Variants in ZPBP observed in about 807,000 individuals in gnomAD.
ZPBP encodes zona pellucida binding protein.
ZPBP carries 26 observed loss-of-function variants against 44.8 expected under a neutral mutation model. That is an observed-to-expected ratio of 0.58 (90% confidence interval 0.43 to 0.81). The LOEUF (loss-of-function observed/expected upper bound fraction) is 0.81, where lower values mean the gene tolerates loss of function less well. Among genes scored for constraint, ZPBP ranks in the 30% least tolerant of loss-of-function variants. ZPBP has a pLI of 0.00. For synonymous variants in ZPBP, 174 were observed against 153.2 expected, an observed-to-expected ratio of 1.14 and a Z score of -1.00; for missense variants, 409 against 434.0, an observed-to-expected ratio of 0.94 and a Z score of 0.51.
Position 49,906,287 on chromosome 7 carries a change from C to A in ZPBP, n.412-5072G>T, listed in dbSNP as rs552734979. ...AAAATAATAATAAGGACAAAAAATT[C>A]AAAAAAGAACAAAGAGCTAAAGAAT... On this transcript the variant is annotated intron_variant and non_coding_transcript_variant, in intron 1 of 2. Transcript: ENST00000465922. Among the ~76,000 whole-genome samples, 8 of 151,854 alleles carry A rather than the reference C, an allele frequency of 5.3e-5. No individual in the cohort carries two copies. In the East Asian group the frequency reaches 1.5e-3, roughly 29 times the overall value.
chr7:49,898,180 ATATATGTGTG>A (rs1237610857), intron 2 of ZPBP, among the ~76,000 whole-genome samples: 6 of 151,942 alleles, frequency 3.9e-5, no homozygotes, highest in African/African-American at 1.5e-4. Context: ...GTGTGTGTGT[ATATATGTGTG>A]TGTATATATG....
chr7:50,030,249 G>T (rs1384828546), intron 5 of ZPBP, among the ~76,000 whole-genome samples: 1 of 152,046 alleles, frequency 6.6e-6, no homozygotes, highest in East Asian at 1.9e-4. Context: ...GGACAGGGAA[G>T]GGAAGGGGAA....
intron 4 of ZPBP, 32 bp from the exon 5 acceptor site, chr7:50,031,342 A>C: frequency 6.5e-7 from 1 of 1,528,906 alleles, no homozygotes; most frequent in South Asian, 1.2e-5. Flanking sequence ...AAGACACAAA[A>C]ATGGTTATTT....
At chr7:50,015,978 T>A (rs190678044) in intron 6 of ZPBP, among the ~76,000 whole-genome samples, 45 of 152,248 alleles carry the variant, frequency 3.0e-4, no homozygotes, top group African/African-American at 9.6e-4. Context: ...TGTAAATTAG[T>A]TTAGCCACTG....
At chr7:49,900,039 C>G (rs28804180) in intron 2 of ZPBP, among the ~76,000 whole-genome samples, 1 of 151,710 alleles carries the variant, frequency 6.6e-6, no homozygotes, top group Non-Finnish European at 1.5e-5. Flanking sequence ...TCCCCAAATA[C>G]TTGAATGTTA....
At chr7:49,840,870 C>T in the ZPBP span, among the ~76,000 whole-genome samples, 1 of 152,144 alleles carries the variant, frequency 6.6e-6, no homozygotes, top group Non-Finnish European at 1.5e-5. Flanking sequence ...CGAGTCAGAG[C>T]TGTTGCCCTG....
intron 6 of ZPBP, among the ~76,000 whole-genome samples, chr7:49,997,585 T>C (rs1417159722): frequency 6.6e-6 from 1 of 152,204 alleles, no homozygotes; most frequent in Non-Finnish European, 1.5e-5. Context: ...TGTTGTTTCC[T>C]GACGAAAATC....
At chr7:49,987,898 TA>T (rs1161801198) in intron 6 of ZPBP, among the ~76,000 whole-genome samples, 1 of 152,092 alleles carries the variant, frequency 6.6e-6, no homozygotes, top group Non-Finnish European at 1.5e-5. Context: ...TTTTGAAAAA[TA>T]AAAACAGCCT....
chr7:50,050,263 T>C (rs1282213377), intron 4 of ZPBP, among the ~76,000 whole-genome samples: 1 of 152,092 alleles, frequency 6.6e-6, no homozygotes, highest in Non-Finnish European at 1.5e-5. Context: ...CAAAAATTTA[T>C]ATGGAAAGGG....
intron 5 of ZPBP, among the ~76,000 whole-genome samples, chr7:50,020,062 G>T (rs564115040): frequency 7.0e-4 from 104 of 149,154 alleles, no homozygotes; most frequent in Non-Finnish European, 9.0e-4. Context: ...AAAAAAAAAA[G>T]AAAGAAAAGA....
At chr7:49,983,587 G>T in intron 6 of ZPBP, 68 bp from the exon 7 acceptor site, 4 of 973,462 alleles carry the variant, frequency 4.1e-6, no homozygotes, top group South Asian at 3.1e-5. Flanking sequence ...AAATAAGGAT[G>T]CATGTGGATT....
At chr7:50,029,845 C>CTGTTGT (rs140686848) in intron 5 of ZPBP, among the ~76,000 whole-genome samples, 1 of 147,240 alleles carries the variant, frequency 6.8e-6, no homozygotes, top group East Asian at 2.0e-4. Context: ...GTTGTTGTTG[C>CTGTTGT]TGTTGTTGTT....
At chr7:49,946,112 A>G (rs1407176532) in intron 7 of ZPBP, among the ~76,000 whole-genome samples, 1 of 152,178 alleles carries the variant, frequency 6.6e-6, no homozygotes, top group African/African-American at 2.4e-5. Context: ...TCTACAGTTT[A>G]ACTTCATCCC....
At chr7:49,859,693 G>A (rs911479448) in intron 2 of ZPBP, among the ~76,000 whole-genome samples, 2 of 152,144 alleles carry the variant, frequency 1.3e-5, no homozygotes, top group African/African-American at 4.8e-5. Context: ...GTTGCCAATC[G>A]GTGGGCAAGT....
intron 4 of ZPBP, among the ~76,000 whole-genome samples, chr7:50,050,956 AGCTTCT>A (rs1366943491): frequency 2.0e-5 from 3 of 152,104 alleles, no homozygotes; most frequent in Non-Finnish European, 4.4e-5. Flanking sequence ...TAAACTAAAG[AGCTTCT>A]GCACAGTAAA....
intron 7 of ZPBP, among the ~76,000 whole-genome samples, chr7:49,954,120 A>G (rs547856496): frequency 6.6e-6 from 1 of 152,298 alleles, no homozygotes; most frequent in East Asian, 1.9e-4. Context: ...ATATAGCCCA[A>G]TGGAACAGAA....
At chr7:49,912,347 G>A in intron 1 of ZPBP, 3 of 640,702 alleles carry the variant, frequency 4.7e-6, no homozygotes, top group Non-Finnish European at 2.5e-6. Flanking sequence ...TACAACAGAA[G>A]GAAATGGATA....
intron 6 of ZPBP, among the ~76,000 whole-genome samples, chr7:50,005,217 T>C (rs1562839152): frequency 6.6e-6 from 1 of 152,092 alleles, no homozygotes; most frequent in East Asian, 1.9e-4. Context: ...AATTAGAGTA[T>C]TTTCAGATAA....
intron 6 of ZPBP, among the ~76,000 whole-genome samples, chr7:50,003,154 C>A (rs1798167401): frequency 6.6e-6 from 1 of 152,082 alleles, no homozygotes; most frequent in African/African-American, 2.4e-5. Flanking sequence ...TGAGTTGATT[C>A]TTCTGGATTC....
Sources: allele counts gnomAD v4.1 joint callset (sites outside exome capture counted in the v4.1 genomes callset), GRCh38; gene constraint gnomAD v4.1.1; transcripts MANE v1.5; gene names NCBI Gene and HGNC (gene_info 2026-07-23, HGNC 2026-07-21).